Variants in RANBP17 observed in about 807,000 individuals in gnomAD.
The protein encoded by RANBP17 is ran-binding protein 17.
In RANBP17, 158 loss-of-function variants were observed where a neutral mutation model predicts 141.2. That is an observed-to-expected ratio of 1.12 (90% CI 0.98 to 1.28). The LOEUF is 1.28. Among genes scored for constraint, RANBP17 ranks in the 50% most tolerant of loss-of-function variants. The pLI is 0.00. For missense variants in RANBP17, 1,438 were observed against 1,290.7 expected, an observed-to-expected ratio of 1.11 and a Z score of -1.75; for synonymous variants, 430 against 450.0, an observed-to-expected ratio of 0.96 and a Z score of 0.56.
chr5:170,965,873 G>A lies in RANBP17; in HGVS notation c.1575-2369G>A, dbSNP rs1324416191. On this transcript the variant is annotated intron_variant, in intron 13 of 27. Transcript: ENST00000523189. Reference sequence around the variant, plus strand: ...GTTCTTTTGGCTTAGGATTGACTTGGTGACACAGGCTCTTTTTTGGTTCCA... The same window carrying A: ...GTTCTTTTGGCTTAGGATTGACTTGATGACACAGGCTCTTTTTTGGTTCCA... 2.0e-5 allele frequency among the ~76,000 whole-genome samples: 3 copies of A among 152,196 alleles called. No homozygotes were observed. In the East Asian group the frequency reaches 5.8e-4, roughly 29 times the overall value.
intron 14 of RANBP17, among the ~76,000 whole-genome samples, chr5:171,074,132 C>T (rs1283777849): frequency 6.6e-6 from 1 of 152,126 alleles, no homozygotes; most frequent in Non-Finnish European, 1.5e-5. Context: ...CAGTCAGACT[C>T]CACCTTAGTC....
chr5:170,898,541 T>C (rs984938555), intron 5 of RANBP17, among the ~76,000 whole-genome samples: 1 of 152,222 alleles, frequency 6.6e-6, no homozygotes, highest in East Asian at 1.9e-4. Flanking sequence ...TTAGATCCCA[T>C]TTGTCAATTT....
At chr5:171,151,048 T>G (rs901106060) in intron 14 of RANBP17, among the ~76,000 whole-genome samples, 3 of 152,358 alleles carry the variant, frequency 2.0e-5, no homozygotes, top group Non-Finnish European at 4.4e-5. Context: ...AGTTTATATC[T>G]GTCTACTGGG....
chr5:171,131,879 A>C (rs1299061769), intron 14 of RANBP17, among the ~76,000 whole-genome samples: 1 of 152,172 alleles, frequency 6.6e-6, no homozygotes, highest in African/African-American at 2.4e-5. Flanking sequence ...ATGCTTTCTC[A>C]TTAGATTGAA....
intron 22 of RANBP17, 25 bp downstream of exon 22, chr5:171,221,865 C>T (rs1581057651): frequency 7.9e-7 from 1 of 1,268,664 alleles, no homozygotes; most frequent in East Asian, 2.3e-5. Context: ...CCATATGTGC[C>T]TCTGCAATAT....
intron 25 of RANBP17, among the ~76,000 whole-genome samples, chr5:171,273,420 A>C (rs72829420): frequency 0.13 from 20,174 of 152,152 alleles, 1,661 homozygotes; most frequent in East Asian, 0.21. Context: ...TGTAGGGCCA[A>C]GAAGCAGAAA....
At chr5:171,290,331 G>A (rs568164897) in intron 25 of RANBP17, among the ~76,000 whole-genome samples, 7 of 151,152 alleles carry the variant, frequency 4.6e-5, no homozygotes, top group Non-Finnish European at 8.8e-5. Context: ...TTGTGCTATT[G>A]CACTCCAGCC....
intron 14 of RANBP17, among the ~76,000 whole-genome samples, chr5:170,999,823 G>A (rs1309045015): frequency 6.6e-6 from 1 of 152,032 alleles, no homozygotes; most frequent in Non-Finnish European, 1.5e-5. Context: ...ATATTGTTGT[G>A]CAACCATCAC....
In RANBP17 at chr5:171,022,809, T is replaced by C. The variant is rs534854545; in HGVS notation, c.1710+54432T>C. ...CAGGCAACCGCAGCTATGGTGCTGG[T>C]TGCCCCTCCCCCTGGGAGCTTGGTA... On this transcript the variant is annotated intron_variant, in intron 14 of 27. Coordinates refer to ENST00000523189, the MANE Select transcript of RANBP17 (RefSeq NM_022897.5). Among the ~76,000 whole-genome samples, 45 of 152,334 alleles carry C rather than the reference T, an allele frequency of 3.0e-4. No homozygotes were observed. In the Middle Eastern group the frequency reaches 0.01, roughly 35 times the overall value.
chr5:171,265,268 C>T (rs1162027403), intron 24 of RANBP17, among the ~76,000 whole-genome samples: 4 of 152,236 alleles, frequency 2.6e-5, no homozygotes, highest in African/African-American at 9.6e-5. Flanking sequence ...GATACGGTGG[C>T]TCATGCCTAT....
At chr5:170,865,836 A>G (rs190153962) in intron 1 of RANBP17, among the ~76,000 whole-genome samples, 2 of 152,342 alleles carry the variant, frequency 1.3e-5, no homozygotes, top group East Asian at 3.9e-4. Flanking sequence ...AGTTTGTTAC[A>G]GGGACAGGAT....
At chr5:171,089,729 C>CT (rs1786068430) in intron 14 of RANBP17, among the ~76,000 whole-genome samples, 1 of 152,148 alleles carries the variant, frequency 6.6e-6, no homozygotes, top group African/African-American at 2.4e-5. Flanking sequence ...TTTCCAGGTG[C>CT]GTTCGTCACC....
chr5:170,894,931 C>T (rs910421079), intron 4 of RANBP17, among the ~76,000 whole-genome samples: 2 of 152,194 alleles, frequency 1.3e-5, no homozygotes, highest in African/African-American at 4.8e-5. Flanking sequence ...TAATCTGTTA[C>T]ATGCTCTTTA....
At chr5:171,266,163 T>C (rs1365302315) in intron 25 of RANBP17, among the ~76,000 whole-genome samples, 1 of 152,148 alleles carries the variant, frequency 6.6e-6, no homozygotes, top group African/African-American at 2.4e-5. Context: ...CTGATTTCTC[T>C]CCTGGTGACT....
chr5:171,184,196 G>A (rs376384929), intron 18 of RANBP17, among the ~76,000 whole-genome samples: 14 of 152,228 alleles, frequency 9.2e-5, no homozygotes, highest in African/African-American at 1.9e-4. Flanking sequence ...TTATTGCATC[G>A]TTATTCACAA....
chr5:171,103,661 C>G (rs1051423420), intron 14 of RANBP17, among the ~76,000 whole-genome samples: 4 of 152,100 alleles, frequency 2.6e-5, no homozygotes, highest in Non-Finnish European at 5.9e-5. Flanking sequence ...AAAAAAAAAC[C>G]CTGCAGCTAG....
At chr5:171,190,539 T>C (rs1282199727) in intron 18 of RANBP17, among the ~76,000 whole-genome samples, 5 of 151,994 alleles carry the variant, frequency 3.3e-5, no homozygotes, top group Non-Finnish European at 1.5e-5. Flanking sequence ...CAGAAAAAAA[T>C]GGATGACCAA....
At chr5:171,042,109 T>C (rs572105637) in intron 14 of RANBP17, among the ~76,000 whole-genome samples, 1 of 152,252 alleles carries the variant, frequency 6.6e-6, no homozygotes, top group East Asian at 1.9e-4. Context: ...TTCTATGATA[T>C]ATATGTACCA....
At chr5:171,220,699 C>T (rs1224642751) in intron 21 of RANBP17, among the ~76,000 whole-genome samples, 4 of 152,074 alleles carry the variant, frequency 2.6e-5, no homozygotes, top group African/African-American at 4.8e-5. Flanking sequence ...CCACCCATCT[C>T]GGCTTCCCAA....
Sources: allele counts gnomAD v4.1 joint callset (sites outside exome capture counted in the v4.1 genomes callset), GRCh38; gene constraint gnomAD v4.1.1; transcripts MANE v1.5; gene names NCBI Gene and HGNC (gene_info 2026-07-23, HGNC 2026-07-21).